IFT80: variants seen among roughly 807,000 people sequenced by gnomAD.
The protein encoded by IFT80 is intraflagellar transport protein 80 homolog.
In IFT80, 79 loss-of-function variants were observed where a neutral mutation model predicts 107.9. The ratio of observed to expected loss-of-function variants is 0.73; its 90% CI spans 0.61 to 0.88. The LOEUF is 0.88. IFT80 is among the 40% of genes least tolerant of loss of function. The pLI, the probability that IFT80 is intolerant of heterozygous loss-of-function variation, is 0.00. For missense variants in IFT80, 797 were observed against 914.2 expected, an observed-to-expected ratio of 0.87 and a Z score of 1.65; for synonymous variants, 299 against 300.9, an observed-to-expected ratio of 0.99 and a Z score of 0.07.
chr3:160,336,627 C>G (rs1440808947), intron 8 of IFT80, among the ~76,000 whole-genome samples: 1 of 151,670 alleles, frequency 6.6e-6, no homozygotes. Flanking sequence ...CAATATGTCC[C>G]AGGGATCATC....
intron 19 of IFT80, 25 bp from the exon 20 acceptor site, chr3:160,258,660 A>C: frequency 6.2e-7 from 1 of 1,607,608 alleles, no homozygotes; most frequent in Admixed American, 1.7e-5. Context: ...AAAAAGAAGA[A>C]ATATGCTTAG....
chr3:160,386,714 C>T lies in IFT80; in HGVS notation c.-46-2068G>A, dbSNP rs546531899. On this transcript the variant is annotated intron_variant, in intron 1 of 19. Transcript: ENST00000326448. The stretch of plus-strand genomic sequence containing the variant: ...CCTGCCTCAATTATTGCAGTGGCCT[C>T]AAAATTGATCTTCCTATTCCTACAT... 1.1e-4 allele frequency among the ~76,000 whole-genome samples: 17 copies of T among 152,254 alleles called. 1 individual carries two copies. The South Asian group carries it at 2.9e-3, about 26-fold the overall frequency.
At chr3:160,347,117 G>A (rs982612757) in intron 8 of IFT80, among the ~76,000 whole-genome samples, 1 of 152,020 alleles carries the variant, frequency 6.6e-6, no homozygotes, top group Non-Finnish European at 1.5e-5. Context: ...TGTCCATATT[G>A]TGTACCCTGC....
At chr3:160,347,952 T>C (rs1330205584) in intron 8 of IFT80, among the ~76,000 whole-genome samples, 1 of 152,142 alleles carries the variant, frequency 6.6e-6, no homozygotes, top group South Asian at 2.1e-4. Flanking sequence ...CATCTGACAT[T>C]TGGATATGTA....
chr3:160,299,237 T>TAA, intron 12 of IFT80: 2 of 1,132,872 alleles, frequency 1.8e-6, no homozygotes, highest in South Asian at 1.9e-5. Flanking sequence ...GGAAGTCCTT[T>TAA]AAAAAAAAAT....
At chr3:160,365,599 T>C (rs1721810754) in intron 6 of IFT80, among the ~76,000 whole-genome samples, 1 of 152,124 alleles carries the variant, frequency 6.6e-6, no homozygotes, top group Non-Finnish European at 1.5e-5. Context: ...ATGCCCGGAA[T>C]TGTCCTTTGC....
Position 160,319,806 on chromosome 3 carries a change from T to C in IFT80, c.911A>G (p.Glu304Gly). ...VFAHVVEQHW[E>G]WKNFQVTLTK... ...TAATGTTACTTGAAAATTTTTCCACTCCCAATGTTGTTCCACCACATGTGC... is the reference window on the plus strand; with the variant it reads ...TAATGTTACTTGAAAATTTTTCCACCCCCAATGTTGTTCCACCACATGTGC... Residue 304 changes from glutamate to glycine, a missense_variant, in exon 9 of 20, where the codon GAG becomes GGG. Glu to Gly is a moderately conservative substitution (Grantham distance 98). Transcript: ENST00000326448. 1 of 1,613,092 alleles carries C rather than the reference T, an allele frequency of 6.2e-7. No homozygotes were observed. The highest frequency in any genetic ancestry group is 8.5e-7 in the Non-Finnish European group (1 of 1,179,280).
chr3:160,268,249 G>T (rs564220393), intron 19 of IFT80, among the ~76,000 whole-genome samples, 164 bp downstream of exon 19: 4 of 152,048 alleles, frequency 2.6e-5, no homozygotes, highest in African/African-American at 9.7e-5. Flanking sequence ...GAAAAATTTA[G>T]TACTATAATT....
At chr3:160,349,394 A>G (rs1310206852) in intron 8 of IFT80, among the ~76,000 whole-genome samples, 3 of 152,072 alleles carry the variant, frequency 2.0e-5, no homozygotes, top group African/African-American at 7.2e-5. Flanking sequence ...GGTTGCAGTG[A>G]GCCGAGATCG....
chr3:160,345,299 T>C (rs1720208748), intron 8 of IFT80, among the ~76,000 whole-genome samples: 1 of 152,158 alleles, frequency 6.6e-6, no homozygotes, highest in Non-Finnish European at 1.5e-5. Flanking sequence ...TGTATGGACA[T>C]AGAGATCACT....
chr3:160,260,294 C>A (rs915052133), intron 19 of IFT80, among the ~76,000 whole-genome samples: 1 of 152,164 alleles, frequency 6.6e-6, no homozygotes, highest in African/African-American at 2.4e-5. Flanking sequence ...TTGAAAGACT[C>A]ATTTTTTCAA....
intron 5 of IFT80, among the ~76,000 whole-genome samples, chr3:160,375,448 C>T (rs1173537981): frequency 1.3e-5 from 2 of 152,072 alleles, no homozygotes; most frequent in Non-Finnish European, 2.9e-5. Flanking sequence ...AGGAGATACT[C>T]AATATCTTTT....
chr3:160,367,995 T>A (rs150254362), intron 5 of IFT80, among the ~76,000 whole-genome samples: 1,850 of 152,032 alleles, frequency 0.012, 23 homozygotes, highest in Middle Eastern at 0.088. Context: ...TACAAAACCA[T>A]CTTTTAAAAA....
At chr3:160,313,470 T>G (rs1717563793) in intron 9 of IFT80, among the ~76,000 whole-genome samples, 1 of 152,018 alleles carries the variant, frequency 6.6e-6, no homozygotes, top group South Asian at 2.1e-4. Flanking sequence ...GGAATGTCCC[T>G]TTTTGTGAAT....
At chr3:160,374,609 T>C (rs143502118) in intron 5 of IFT80, among the ~76,000 whole-genome samples, 1 of 152,270 alleles carries the variant, frequency 6.6e-6, no homozygotes, top group East Asian at 1.9e-4. Flanking sequence ...GAAATTCTTG[T>C]AGTTCTTCCA....
intron 3 of IFT80, among the ~76,000 whole-genome samples, chr3:160,379,032 A>G (rs1011910431): frequency 2.0e-5 from 3 of 152,196 alleles, no homozygotes; most frequent in African/African-American, 4.8e-5. Flanking sequence ...AGGAATAAAT[A>G]GTAACTTTAC....
At chr3:160,308,651 G>A in intron 9 of IFT80, among the ~76,000 whole-genome samples, 1 of 152,142 alleles carries the variant, frequency 6.6e-6, no homozygotes, top group Middle Eastern at 3.4e-3. Context: ...TAAATATAAT[G>A]TGACAATTAT....
Position 160,258,387 on chromosome 3 carries a change from C to A in IFT80, c.*138G>T. 9.5e-7 allele frequency: 1 copy of A among 1,048,030 alleles called. No individual in the cohort carries two copies. The highest frequency in any genetic ancestry group is 1.4e-6 in the Non-Finnish European group (1 of 715,632). 64.9% of individuals were successfully genotyped at this position (1,048,030 alleles called of 1,614,324 possible). Reference sequence around the variant, plus strand: ...TTTGTGTTTCATCTTTCTGCATGTACTTTTACACTAAATACACAGCAAGTA... The same window carrying A: ...TTTGTGTTTCATCTTTCTGCATGTAATTTTACACTAAATACACAGCAAGTA... On this transcript the variant is annotated 3_prime_UTR_variant, in exon 20 of 20. Coordinates refer to ENST00000326448, the MANE Select transcript of IFT80 (RefSeq NM_020800.3).
At chr3:160,304,425 T>A (rs1375045656) in intron 10 of IFT80, among the ~76,000 whole-genome samples, 1 of 151,048 alleles carries the variant, frequency 6.6e-6, no homozygotes, top group Non-Finnish European at 1.5e-5. Flanking sequence ...TGTCAGCCAC[T>A]TGATTTTTTC....
Sources: allele counts gnomAD v4.1 joint callset (sites outside exome capture counted in the v4.1 genomes callset), GRCh38; gene constraint gnomAD v4.1.1; transcripts MANE v1.5; gene names NCBI Gene and HGNC (gene_info 2026-07-23, HGNC 2026-07-21).